Variants in PARD3B observed in about 807,000 individuals in gnomAD.
PARD3B encodes the protein par-3 family cell polarity regulator beta, also known as partitioning defective 3 homolog B.
In PARD3B, 103 loss-of-function variants were observed where a neutral mutation model predicts 130.2. That is an observed-to-expected ratio of 0.79 (90% CI 0.67 to 0.93). The LOEUF (loss-of-function observed/expected upper bound fraction) is 0.93, where lower values mean the gene tolerates loss of function less well. PARD3B is among the 40% of genes least tolerant of loss of function. The pLI is 0.00. For missense variants in PARD3B, 1,609 were observed against 1,499.2 expected (o/e 1.07, Z -1.21); for synonymous variants, 583 against 553.2 (o/e 1.05, Z -0.76).
At chr2:205,474,875 C>T (rs977636878) in intron 20 of PARD3B, among the ~76,000 whole-genome samples, 15 of 152,074 alleles carry the variant, frequency 9.9e-5, no homozygotes, top group Middle Eastern at 3.2e-3. Flanking sequence ...TTACATTGAA[C>T]TTCTTAGCTT....
At chr2:205,598,557 A>T (rs917319421) in intron 22 of PARD3B, among the ~76,000 whole-genome samples, 1 of 152,190 alleles carries the variant, frequency 6.6e-6, no homozygotes. Flanking sequence ...GTTGTTTGCT[A>T]TTGAGGCAGA....
At chr2:205,370,146 T>C (rs2044755138) in intron 18 of PARD3B, among the ~76,000 whole-genome samples, 1 of 152,210 alleles carries the variant, frequency 6.6e-6, no homozygotes, top group African/African-American at 2.4e-5. Flanking sequence ...TTTTCCACTT[T>C]GCTTTCTAGT....
At chr2:205,133,164 C>T (rs1293616903) in intron 10 of PARD3B, among the ~76,000 whole-genome samples, 1 of 152,142 alleles carries the variant, frequency 6.6e-6, no homozygotes, top group Non-Finnish European at 1.5e-5. Context: ...ATGTAAATGA[C>T]AGCTTCAGTG....
intron 16 of PARD3B, among the ~76,000 whole-genome samples, chr2:205,294,356 A>T (rs2041713485): frequency 1.3e-5 from 2 of 152,206 alleles, no homozygotes; most frequent in African/African-American, 4.8e-5. Context: ...AGAAAAACAA[A>T]AATGTCAGAA....
At chr2:204,734,740 G>A (rs182266646) in intron 2 of PARD3B, among the ~76,000 whole-genome samples, 58 of 152,248 alleles carry the variant, frequency 3.8e-4, no homozygotes, top group Admixed American at 2.7e-3. Context: ...GTTCCTAGGG[G>A]TGAAGTGAGG....
chr2:205,430,540 C>T (rs961930557), intron 19 of PARD3B, among the ~76,000 whole-genome samples: 23 of 152,260 alleles, frequency 1.5e-4, no homozygotes, highest in African/African-American at 4.6e-4. Flanking sequence ...GTAGATAGCT[C>T]GGATATGGAA....
chr2:204,965,848 A>G (rs1293961314), intron 3 of PARD3B, among the ~76,000 whole-genome samples: 1 of 152,232 alleles, frequency 6.6e-6, no homozygotes, highest in Non-Finnish European at 1.5e-5. Context: ...TTATATTTGT[A>G]GAATGAGAAA....
chr2:205,212,358 A>G (rs2125851552), intron 15 of PARD3B, among the ~76,000 whole-genome samples: 1 of 152,226 alleles, frequency 6.6e-6, no homozygotes, highest in East Asian at 1.9e-4. Flanking sequence ...GATGTAATAA[A>G]TGCAGCATTT....
At chr2:205,002,629 T>C (rs1278804717) in intron 3 of PARD3B, among the ~76,000 whole-genome samples, 2 of 152,074 alleles carry the variant, frequency 1.3e-5, no homozygotes, top group Non-Finnish European at 2.9e-5. Context: ...CGCTCTGATG[T>C]CCTCCTGCCT....
chr2:205,440,576 C>G lies in PARD3B; in HGVS notation c.2948C>G (p.Pro983Arg), dbSNP rs1409510128. ...SPPRAGPFGY[P>R]RDGHPLSPER... ...CCTCGAGCTGGACCATTTGGTTACC[C>G]TCGGGATGGCCATCCACTGTCTCCA... Residue 983 changes from proline (P) to arginine (R), a missense_variant, in exon 20 of 23, where the codon CCT (proline) becomes CGT (arginine). Physicochemically the swap from Pro to Arg is moderately radical, Grantham distance 103. Coordinates refer to ENST00000406610, the MANE Select transcript of PARD3B (RefSeq NM_001302769.2). The surrounding 1 kb of genome is among the most constrained non-coding windows in gnomAD (Gnocchi z 4.2). The G allele has an allele frequency of 6.2e-7, 1 of 1,614,074 alleles. No homozygotes were observed. The highest frequency in any genetic ancestry group is 2.2e-5 in the East Asian group (1 of 44,854).
At chr2:205,502,971 G>A (rs1327111092) in intron 21 of PARD3B, among the ~76,000 whole-genome samples, 2 of 151,500 alleles carry the variant, frequency 1.3e-5, no homozygotes, top group Middle Eastern at 3.4e-3. Flanking sequence ...TTGGTTTCAT[G>A]CCTGTCTTCT....
intron 2 of PARD3B, among the ~76,000 whole-genome samples, chr2:204,893,901 T>C (rs183470764): frequency 6.6e-6 from 1 of 152,270 alleles, no homozygotes; most frequent in Admixed American, 6.5e-5. Flanking sequence ...AAAGTATATA[T>C]TCATAAAAGT....
intron 2 of PARD3B, among the ~76,000 whole-genome samples, chr2:204,857,939 T>A (rs1237701027): frequency 1.3e-5 from 2 of 152,156 alleles, no homozygotes; most frequent in Non-Finnish European, 1.5e-5. Context: ...CTTCTACAGA[T>A]CCTTAATCGT....
Position 204,646,940 on chromosome 2 carries a change from A to T in PARD3B, c.121-39241A>T, listed in dbSNP as rs115787540. ...ATCCTACAGTTGGACGAAATTATCT[A>T]TTACAAATTCTATTTTATAATAAAG... is the stretch of plus-strand genomic sequence containing the variant. On this transcript the variant is annotated intron_variant, in intron 1 of 22. Transcript: ENST00000406610. Among the ~76,000 whole-genome samples the T allele has an allele frequency of 3.4e-3, 511 of 152,190 alleles. 2 individuals carry two copies. The highest frequency in any genetic ancestry group is 0.012 in the African/African-American group (483 of 41,578).
intron 19 of PARD3B, among the ~76,000 whole-genome samples, chr2:205,436,964 C>T (rs531931588): frequency 1.3e-5 from 2 of 151,944 alleles, no homozygotes; most frequent in Non-Finnish European, 2.9e-5. Flanking sequence ...TCTGTCTCTG[C>T]CTCTCCTCCA....
intron 21 of PARD3B, among the ~76,000 whole-genome samples, chr2:205,505,219 A>G (rs574302595): frequency 6.8e-6 from 1 of 147,288 alleles, no homozygotes; most frequent in Admixed American, 6.7e-5. Flanking sequence ...GAAGGGGAAC[A>G]TGACACACTG....
intron 18 of PARD3B, among the ~76,000 whole-genome samples, chr2:205,381,208 TA>T (rs2045429122): frequency 1.6e-5 from 2 of 122,386 alleles, no homozygotes; most frequent in Admixed American, 1.9e-4. Flanking sequence ...ATATAATATA[TA>T]AAGAATATAT....
At chr2:204,736,402 G>A (rs932598671) in intron 2 of PARD3B, among the ~76,000 whole-genome samples, 6 of 152,052 alleles carry the variant, frequency 3.9e-5, no homozygotes, top group East Asian at 3.9e-4. Context: ...CACCTAATGC[G>A]TAGTTTTTAT....
At chr2:205,016,988 A>G (rs1043159553) in intron 3 of PARD3B, among the ~76,000 whole-genome samples, 1 of 152,216 alleles carries the variant, frequency 6.6e-6, no homozygotes, top group Admixed American at 6.5e-5. Flanking sequence ...GGTGGGGGCT[A>G]CAGAGATACT....
Sources: allele counts gnomAD v4.1 joint callset (sites outside exome capture counted in the v4.1 genomes callset), GRCh38; gene constraint gnomAD v4.1.1; non-coding constraint Gnocchi (gnomAD v3.1); transcripts MANE v1.5; gene names NCBI Gene and HGNC (gene_info 2026-07-23, HGNC 2026-07-21).